Variants in NR5A2 observed in about 807,000 individuals in gnomAD.
NR5A2 encodes the protein CYP7A promoter-binding factor.
Under a neutral mutation model 62.7 loss-of-function variants are expected in NR5A2, and 26 were observed. The ratio of observed to expected loss-of-function variants is 0.41; its 90% confidence interval spans 0.30 to 0.58. NR5A2 has a LOEUF of 0.58. Ranked by LOEUF, NR5A2 falls within the 20% of genes least tolerant of loss-of-function variation. The pLI is 0.22. For synonymous variants in NR5A2, 246 were observed against 241.7 expected (o/e 1.02, Z -0.16); for missense variants, 541 against 669.1 (o/e 0.81, Z 2.11).
chr1:200,144,704 T>A (rs955401275), intron 7 of NR5A2, among the ~76,000 whole-genome samples: 1 of 152,236 alleles, frequency 6.6e-6, no homozygotes, highest in African/African-American at 2.4e-5. Flanking sequence ...TAAGAAACTC[T>A]TGTGTACTAG....
At chr1:200,073,642 G>C (rs1663858346) in intron 5 of NR5A2, among the ~76,000 whole-genome samples, 1 of 151,704 alleles carries the variant, frequency 6.6e-6, no homozygotes, top group East Asian at 1.9e-4. Flanking sequence ...TGAATCCACG[G>C]ATGTAGAAGA....
chr1:200,137,398 T>C (rs1373072887), intron 7 of NR5A2, among the ~76,000 whole-genome samples: 1 of 151,430 alleles, frequency 6.6e-6, no homozygotes, highest in Admixed American at 6.6e-5. Context: ...ACTCCTGACC[T>C]GAAGTGATCT....
At chr1:200,040,106 T>G (rs750640908) in intron 2 of NR5A2, among the ~76,000 whole-genome samples, 102 of 152,304 alleles carry the variant, frequency 6.7e-4, no homozygotes, top group Admixed American at 2.0e-3. Flanking sequence ...AAGATCATTC[T>G]AAGAAATGGA....
Position 200,039,885 on chromosome 1 carries a change from C to T in NR5A2, c.202+90C>T. ...GCTTCAGCCTCCCGCCCCGCGCGGG[C>T]GCGGGAGTAGCCCCGCTGGGCGCTC... On this transcript the variant is annotated intron_variant, in intron 2 of 7. Transcript: ENST00000367362. This position sits in a 1 kb window ranked among gnomAD's most constrained non-coding sequence, Gnocchi z 5.1. 3 of 1,427,058 alleles carry T rather than the reference C, an allele frequency of 2.1e-6. No individual in the cohort carries two copies. Among genetic ancestry groups the T allele is most frequent in the South Asian group, 2.8e-5 (2 of 70,314 alleles). The allele number at this position is 1,427,058 out of a possible 1,614,324, so 88.4% of individuals were successfully genotyped here.
chr1:200,111,468 C>T (rs1390482087), intron 6 of NR5A2, 147 bp downstream of exon 6: 5 of 819,534 alleles, frequency 6.1e-6, no homozygotes, highest in Non-Finnish European at 9.2e-6. Flanking sequence ...ACTTGGTGCA[C>T]TCTGTTCCTG....
intron 7 of NR5A2, among the ~76,000 whole-genome samples, chr1:200,161,026 G>A (rs1468990999): frequency 1.3e-5 from 2 of 152,006 alleles, no homozygotes; most frequent in Non-Finnish European, 1.5e-5. Context: ...AGGGAGGGCT[G>A]CTCTTTACGA....
At chr1:200,040,926 C>T (rs1662040053) in intron 2 of NR5A2, among the ~76,000 whole-genome samples, 1 of 152,218 alleles carries the variant, frequency 6.6e-6, no homozygotes, top group Non-Finnish European at 1.5e-5. Context: ...TGGGGTCTCC[C>T]CAAGCCTCTA....
intron 5 of NR5A2, among the ~76,000 whole-genome samples, chr1:200,062,255 G>GTGTGTGTGTGTGTGTGTGTGTA (rs1176481005): frequency 6.6e-6 from 1 of 151,850 alleles, no homozygotes. Context: ...GTGTGTGTGT[G>GTGTGTGTGTGTGTGTGTGTGTA]TGTATCTGTG....
chr1:200,122,203 T>C (rs975630967), intron 7 of NR5A2, among the ~76,000 whole-genome samples: 2 of 152,198 alleles, frequency 1.3e-5, no homozygotes, highest in Non-Finnish European at 2.9e-5. Flanking sequence ...AAAGTTCTGT[T>C]CAAGTAAGTC....
intron 1 of NR5A2, among the ~76,000 whole-genome samples, chr1:200,031,828 C>T (rs1235197067): frequency 6.6e-6 from 1 of 152,154 alleles, no homozygotes; most frequent in Non-Finnish European, 1.5e-5. Flanking sequence ...GATCCACCCA[C>T]CTCAGCCTCC....
intron 1 of NR5A2, chr1:200,038,717 C>T (rs761515195): frequency 1.0e-5 from 14 of 1,366,246 alleles, no homozygotes; most frequent in Admixed American, 1.9e-5. Context: ...GAAATTGCCG[C>T]TCTGGCTGCT....
At chr1:200,054,265 C>T (rs1662806953) in intron 5 of NR5A2, 1 of 152,068 alleles carries the variant, frequency 6.6e-6, no homozygotes, top group Non-Finnish European at 1.5e-5. Flanking sequence ...TGACTGTTTC[C>T]TTGTGTTTTT....
chr1:200,090,406 T>A (rs1664761073), intron 5 of NR5A2, among the ~76,000 whole-genome samples: 1 of 152,194 alleles, frequency 6.6e-6, no homozygotes, highest in Non-Finnish European at 1.5e-5. Context: ...CAAATACACA[T>A]TCCATTTGTC....
At position 200,177,090 on chromosome 1, in the gene NR5A2, C is replaced by T. The variant is rs1185014286; in HGVS notation, c.*2880C>T. 6.6e-6 allele frequency: 1 copy of T among 152,396 alleles called. No individual in the cohort carries two copies. The highest frequency in any genetic ancestry group is 2.4e-5 in the African/African-American group (1 of 41,458). 9.4% of individuals were successfully genotyped at this position (152,396 alleles called of 1,614,324 possible). A position where few individuals can be genotyped will look rare whatever the true frequency, so the allele number is the denominator to read the frequency against. ...TAGCCGATTTGTAACCTGGCATTTA[C>T]TTAGCAACTGCCTTATCAATTACAG... On this transcript the variant is annotated 3_prime_UTR_variant, in exon 8 of 8. Transcript: ENST00000367362.
At chr1:200,124,059 C>T (rs898222595) in intron 7 of NR5A2, among the ~76,000 whole-genome samples, 49 of 152,084 alleles carry the variant, frequency 3.2e-4, no homozygotes, top group African/African-American at 1.1e-3. Context: ...CTGCCTTGGC[C>T]TCTCAAAGTG....
chr1:200,174,526 C>A lies in NR5A2; in HGVS notation c.*316C>A. ...CCAACACGGTCAGAAGAAAAACGGACAGAACGGTTCTTGTATATTTAAACT... is the reference window on the plus strand; with the variant it reads ...CCAACACGGTCAGAAGAAAAACGGAAAGAACGGTTCTTGTATATTTAAACT... On this transcript the variant is annotated 3_prime_UTR_variant, in exon 8 of 8. Transcript: ENST00000367362. 5.3e-6 allele frequency: 1 copy of A among 189,240 alleles called. No individual in the cohort carries two copies. Among genetic ancestry groups the A allele is most frequent in the Non-Finnish European group, 1.1e-5 (1 of 92,968 alleles). The allele number at this position is 189,240 out of a possible 1,614,324, so 11.7% of individuals were successfully genotyped here.
At position 200,123,750 on chromosome 1, in the gene NR5A2, AT is replaced by A. The variant is rs11397949; in HGVS notation, c.1378+2810del. On this transcript the variant is annotated intron_variant, in intron 7 of 7. Transcript: ENST00000367362. ...GTTTTATTTTTATTTTACTTATTTA[AT>A]TTTTTTTTTTTTTTGCTTTTATTCC... 5.3e-3 allele frequency among the ~76,000 whole-genome samples: 278 copies of A among 52,752 alleles called. 1 individual carries two copies. The highest frequency in any genetic ancestry group is 0.017 in the Middle Eastern group (2 of 116). The allele number at this position is 52,752 out of a possible 152,430, so 34.6% of individuals were successfully genotyped here.
chr1:200,148,316 A>T (rs1426478548), intron 7 of NR5A2: 1 of 178,960 alleles, frequency 5.6e-6, no homozygotes, highest in Non-Finnish European at 1.3e-5. Context: ...TTTCTTGGCC[A>T]TTTAGGCCAA....
Position 200,176,455 on chromosome 1 carries a change from AT to A in NR5A2, c.*2247del, listed in dbSNP as rs1244424411. The A allele has an allele frequency of 2.0e-5, 3 of 152,544 alleles. No individual in the cohort carries two copies. The highest frequency in any genetic ancestry group is 7.2e-5 in the African/African-American group (3 of 41,454). 9.4% of individuals were successfully genotyped at this position (152,544 alleles called of 1,614,324 possible). On this transcript the variant is annotated 3_prime_UTR_variant, in exon 8 of 8. Transcript: ENST00000367362. Reference sequence around the variant, plus strand: ...GCCGATCAGAGCTCATACCCAAAGCATTACAGAGAACAGCAGCATCATTGCC... The same window carrying A: ...GCCGATCAGAGCTCATACCCAAAGCATACAGAGAACAGCAGCATCATTGCC...
Sources: allele counts gnomAD v4.1 joint callset (sites outside exome capture counted in the v4.1 genomes callset), GRCh38; gene constraint gnomAD v4.1.1; non-coding constraint Gnocchi (gnomAD v3.1); transcripts MANE v1.5; gene names NCBI Gene and HGNC (gene_info 2026-07-23, HGNC 2026-07-21).